CADPS2: variants seen among roughly 807,000 people sequenced by gnomAD.
The protein encoded by CADPS2 is calcium-dependent secretion activator 2.
Under a neutral mutation model 172.5 loss-of-function variants are expected in CADPS2, and 93 were observed. That is an observed-to-expected ratio of 0.54 (90% CI 0.46 to 0.64). The LOEUF is 0.64. Ranked by LOEUF, CADPS2 falls within the 30% of genes least tolerant of loss-of-function variation. The pLI is 0.00. For synonymous variants in CADPS2, 546 were observed against 555.2 expected (o/e 0.98, Z 0.23); for missense variants, 1,420 against 1,565.9 (o/e 0.91, Z 1.57).
At chr7:122,850,415 C>A in intron 1 of CADPS2, 1 of 296,004 alleles carries the variant, frequency 3.4e-6, no homozygotes, top group African/African-American at 2.2e-5. Flanking sequence ...GATTGAATCC[C>A]TCCCAAAGCA....
chr7:122,719,485 A>G (rs1265118696), intron 2 of CADPS2, among the ~76,000 whole-genome samples: 1 of 152,166 alleles, frequency 6.6e-6, no homozygotes, highest in Non-Finnish European at 1.5e-5. Flanking sequence ...TTTGAAAAAC[A>G]AAGGCATGCT....
At chr7:122,875,549 A>G (rs545363620) in intron 1 of CADPS2, among the ~76,000 whole-genome samples, 1 of 152,306 alleles carries the variant, frequency 6.6e-6, no homozygotes, top group South Asian at 2.1e-4. Context: ...TCAGTATATT[A>G]ATTTGTGATG....
At chr7:122,804,730 T>G (rs774400720) in intron 1 of CADPS2, among the ~76,000 whole-genome samples, 5 of 152,200 alleles carry the variant, frequency 3.3e-5, no homozygotes, top group Non-Finnish European at 7.3e-5. Context: ...TGATGCTGGA[T>G]TGCCATCCTT....
intron 1 of CADPS2, among the ~76,000 whole-genome samples, chr7:122,865,860 G>C (rs1285129154): frequency 6.6e-6 from 1 of 152,210 alleles, no homozygotes; most frequent in Admixed American, 6.5e-5. Flanking sequence ...CCAAGTGGAA[G>C]AAAGGGGAGC....
At chr7:122,712,577 C>T (rs1384994486) in intron 2 of CADPS2, among the ~76,000 whole-genome samples, 1 of 151,960 alleles carries the variant, frequency 6.6e-6, no homozygotes, top group African/African-American at 2.4e-5. Context: ...TATATTTTTT[C>T]CAAGGAACTG....
intron 27 of CADPS2, among the ~76,000 whole-genome samples, chr7:122,354,843 A>G (rs961035739): frequency 6.6e-6 from 1 of 152,174 alleles, no homozygotes; most frequent in Non-Finnish European, 1.5e-5. Flanking sequence ...TAAACTGTAT[A>G]ACTGCCACAG....
Position 122,663,438 on chromosome 7 carries a change from G to T in CADPS2, c.585C>A (p.Ser195Arg). 1 of 1,613,868 alleles carries T rather than the reference G, an allele frequency of 6.2e-7. No individual in the cohort carries two copies. Among genetic ancestry groups the T allele is most frequent in the Non-Finnish European group, 8.5e-7 (1 of 1,179,876 alleles). The change falls in exon 3 of 30, where the codon AGC becomes AGA. Residue 195 changes from serine to arginine, a missense_variant. Transcript: ENST00000449022. ...VRSLPEIDGL[S>R]KETVLSSWIA... is the part of the protein sequence containing the mutation. ...TCCATGAGCTCAACACTGTCTCTTT[G>T]CTCAAGCCATCTATTTCTGGCAAAC...
intron 9 of CADPS2, among the ~76,000 whole-genome samples, chr7:122,495,197 G>A (rs2058639087): frequency 6.6e-6 from 1 of 151,922 alleles, no homozygotes; most frequent in South Asian, 2.1e-4. Context: ...TCATCATTCG[G>A]CTTTGTTGAA....
chr7:122,852,855 T>C (rs1171618726), intron 1 of CADPS2, among the ~76,000 whole-genome samples: 1 of 152,102 alleles, frequency 6.6e-6, no homozygotes, highest in Non-Finnish European at 1.5e-5. Flanking sequence ...TGACTACATA[T>C]AGAGAACAGA....
intron 7 of CADPS2, among the ~76,000 whole-genome samples, chr7:122,556,136 T>G (rs1432602718): frequency 6.6e-6 from 1 of 152,128 alleles, no homozygotes; most frequent in Non-Finnish European, 1.5e-5. Context: ...GTTTTCACAA[T>G]TATGATCATA....
intron 3 of CADPS2, among the ~76,000 whole-genome samples, chr7:122,635,680 T>A (rs924697602): frequency 9.2e-5 from 14 of 152,168 alleles, no homozygotes; most frequent in Non-Finnish European, 1.8e-4. Context: ...AGTCTATCAT[T>A]GTTGGGCATT....
intron 1 of CADPS2, among the ~76,000 whole-genome samples, chr7:122,851,419 C>T (rs576317413): frequency 9.9e-5 from 15 of 152,158 alleles, no homozygotes; most frequent in Admixed American, 2.0e-4. Context: ...CTCAGAGGAG[C>T]AGCAGTTCAG....
intron 14 of CADPS2, 26 bp downstream of exon 14, chr7:122,471,349 C>T: frequency 6.8e-7 from 1 of 1,468,028 alleles, no homozygotes; most frequent in East Asian, 2.9e-5. Context: ...CCATACATTT[C>T]ACTTTGTATT....
In CADPS2 at chr7:122,335,644, G is replaced by T. The variant is rs1585083517; in HGVS notation, c.3612+9930C>A. 2.0e-5 allele frequency among the ~76,000 whole-genome samples: 3 copies of T among 152,306 alleles called. No individual in the cohort carries two copies. The South Asian group carries it at 6.2e-4, about 32-fold the overall frequency. ...GAATGAATAAATAGAAGGCTTGAAA[G>T]AATCTTGTTCAGCCACGTTCAAATA... is the stretch of plus-strand genomic sequence containing the variant. On this transcript the variant is annotated intron_variant, in intron 28 of 29. Transcript: ENST00000449022.
At chr7:122,420,032 G>C (rs1228241182) in intron 17 of CADPS2, among the ~76,000 whole-genome samples, 1 of 152,090 alleles carries the variant, frequency 6.6e-6, no homozygotes, top group Non-Finnish European at 1.5e-5. Context: ...TCCATTTCCA[G>C]AGTCTTGGAG....
At chr7:122,528,108 TTAGTGGTGGTGGTGGTGGTGG>T (rs1168013014) in intron 8 of CADPS2, among the ~76,000 whole-genome samples, 47 of 113,070 alleles carry the variant, frequency 4.2e-4, no homozygotes, top group African/African-American at 1.5e-3. Flanking sequence ...GATGAAGGCA[TTAGTGGTGGTGGTGGTGGTGG>T]TGGTGGTGGT....
chr7:122,772,377 C>G (rs2093731667), intron 1 of CADPS2, among the ~76,000 whole-genome samples: 1 of 152,116 alleles, frequency 6.6e-6, no homozygotes, highest in South Asian at 2.1e-4. Context: ...GCCAAATAAA[C>G]AGCATTCCTA....
intron 8 of CADPS2, among the ~76,000 whole-genome samples, chr7:122,537,596 A>G (rs1323624709): frequency 1.3e-5 from 2 of 151,882 alleles, no homozygotes. Context: ...TAAAAACTCA[A>G]GGCTATTGGG....
At chr7:122,369,591 G>C (rs2041501098) in intron 25 of CADPS2, 1 of 152,122 alleles carries the variant, frequency 6.6e-6, no homozygotes, top group African/African-American at 2.4e-5. Flanking sequence ...CTGAGCTCCA[G>C]ACCCAAATAG....
Sources: allele counts gnomAD v4.1 joint callset (sites outside exome capture counted in the v4.1 genomes callset), GRCh38; gene constraint gnomAD v4.1.1; transcripts MANE v1.5; gene names NCBI Gene and HGNC (gene_info 2026-07-23, HGNC 2026-07-21).